Variants in SPTB observed in about 807,000 individuals in gnomAD.
SPTB encodes the protein spectrin beta chain, erythrocytic.
SPTB carries 45 observed loss-of-function variants against 256.2 expected under a neutral mutation model. That is an observed-to-expected ratio of 0.18 (90% CI 0.14 to 0.23). The LOEUF is 0.23. Ranked by LOEUF, SPTB falls within the 10% of genes least tolerant of loss-of-function variation. SPTB has a pLI of 1.00. For synonymous variants in SPTB, 1,231 were observed against 1,243.1 expected, an observed-to-expected ratio of 0.99 and a Z score of 0.21; for missense variants, 2,715 against 3,040.4, an observed-to-expected ratio of 0.89 and a Z score of 2.52.
At chr14:64,805,206 G>C in intron 2 of SPTB, 116 bp from the exon 3 acceptor site, 1 of 1,168,802 alleles carries the variant, frequency 8.6e-7, no homozygotes, top group Non-Finnish European at 1.2e-6. Context: ...AGAGGAAGTC[G>C]ATGTATTCAT....
intron 33 of SPTB, 108 bp downstream of exon 33, chr14:64,753,429 A>T: frequency 6.4e-7 from 1 of 1,561,962 alleles, no homozygotes; most frequent in Non-Finnish European, 8.7e-7. Context: ...GCCAAGGCAG[A>T]AGGCACCCCT....
At position 64,785,511 on chromosome 14, in the gene SPTB, G is replaced by A. The variant is rs748471731; in HGVS notation, c.3855+26C>T. On this transcript the variant is annotated intron_variant, in intron 18 of 35. Transcript: ENST00000644917. The surrounding 1 kb of genome is among the most constrained non-coding windows in gnomAD (Gnocchi z 4.4). ...CTTCTAGAAAGGAATCTCCAGGAAA[G>A]CAGCCACTCCTTGCTGGAGCCTCAC... 1 of 1,594,210 alleles carries A rather than the reference G, an allele frequency of 6.3e-7. No homozygotes were observed. Among genetic ancestry groups the A allele is most frequent in the Non-Finnish European group, 8.6e-7 (1 of 1,168,404 alleles).
At position 64,803,597 on chromosome 14, in the gene SPTB, A is replaced by C; in HGVS notation, c.474+10T>G. On this transcript the variant is annotated intron_variant, in intron 4 of 35. Coordinates refer to ENST00000644917, the MANE Select transcript of SPTB (RefSeq NM_001355436.2). ...GCTCCCTCGACTTCCTCTACCCCCC[A>C]GGAACCCACCTGGAAGCGGAGGATG... 6 of 1,614,046 alleles carry C rather than the reference A, an allele frequency of 3.7e-6. No homozygotes were observed. The highest frequency in any genetic ancestry group is 5.1e-6 in the Non-Finnish European group (6 of 1,180,020).
intron 32 of SPTB, 114 bp downstream of exon 32, chr14:64,766,612 A>C (rs1325016426): frequency 6.2e-7 from 1 of 1,608,282 alleles, no homozygotes; most frequent in East Asian, 2.2e-5. Context: ...GGGAGGATGG[A>C]GGGCGGGGCT....
At chr14:64,859,195 A>G (rs1034898402) in intron 1 of SPTB, among the ~76,000 whole-genome samples, 1 of 152,174 alleles carries the variant, frequency 6.6e-6, no homozygotes, top group African/African-American at 2.4e-5. Context: ...CGGAGGTTGC[A>G]GTGAGCCAAG....
intron 32 of SPTB, among the ~76,000 whole-genome samples, chr14:64,765,830 G>A (rs554784160): frequency 5.5e-5 from 8 of 146,746 alleles, no homozygotes; most frequent in African/African-American, 2.1e-4. Flanking sequence ...GAGTGTGTGT[G>A]TGTGTGGGGG....
intron 1 of SPTB, among the ~76,000 whole-genome samples, chr14:64,850,392 G>A (rs924187036): frequency 2.0e-5 from 3 of 152,210 alleles, no homozygotes; most frequent in African/African-American, 7.2e-5. Context: ...CAGAACCACT[G>A]TAGTTGATTC....
chr14:64,783,676 G>A (rs995681677), intron 19 of SPTB, among the ~76,000 whole-genome samples: 1 of 152,172 alleles, frequency 6.6e-6, no homozygotes, highest in African/African-American at 2.4e-5. Flanking sequence ...TGATCCTAGG[G>A]CTGCTTTTTC....
At chr14:64,850,696 G>T (rs143005400) in intron 1 of SPTB, among the ~76,000 whole-genome samples, 2 of 152,298 alleles carry the variant, frequency 1.3e-5, no homozygotes, top group Non-Finnish European at 2.9e-5. Flanking sequence ...ACTTGTCATC[G>T]TGAAAATGGT....
intron 1 of SPTB, among the ~76,000 whole-genome samples, chr14:64,836,402 T>C (rs1243565524): frequency 6.6e-6 from 1 of 152,212 alleles, no homozygotes; most frequent in East Asian, 1.9e-4. Context: ...AAATAATGTA[T>C]AAACTGTATA....
rs1328447010 is a variant in SPTB, at chr14:64,823,684, G to A, written c.-51-539C>T. The stretch of plus-strand genomic sequence containing the variant: ...AGCCGCCACTGACGCCACCAGCCCG[G>A]GGCAGCTGCACTGGGGGGACTTCAC... On this transcript the variant is annotated intron_variant, in intron 1 of 35. Coordinates refer to ENST00000644917, the MANE Select transcript of SPTB (RefSeq NM_001355436.2). The surrounding 1 kb of genome is among the most constrained non-coding windows in gnomAD (Gnocchi z 6.5). Among the ~76,000 whole-genome samples the A allele has an allele frequency of 1.3e-5, 2 of 152,300 alleles. No homozygotes were observed. The highest frequency in any genetic ancestry group is 3.9e-4 in the East Asian group (2 of 5,182).
intron 25 of SPTB, 78 bp downstream of exon 25, chr14:64,773,142 C>T: frequency 6.3e-7 from 1 of 1,591,018 alleles, no homozygotes; most frequent in Non-Finnish European, 8.6e-7. Flanking sequence ...ATGCAGCACT[C>T]TGTGTGTCTT....
Position 64,775,367 on chromosome 14 carries a change from C to T in SPTB, c.4600G>A (p.Val1534Ile), listed in dbSNP as rs2082341430. 2 of 1,613,228 alleles carry T rather than the reference C, an allele frequency of 1.2e-6. No homozygotes were observed. The highest frequency in any genetic ancestry group is 1.7e-6 in the Non-Finnish European group (2 of 1,179,488). ...TGCCCTCTCTGCAGCACATCCTCAA[C>T]CCGCGGCGTATGGCCCAGAATCTCA... The part of the protein sequence containing the change: ...QNEILGHTPR[V>I]EDVLQRGQQL... Residue 1534 changes from valine to isoleucine, a missense_variant, in exon 23 of 36, where the codon GTT becomes ATT. By Grantham distance (29) the Val-to-Ile change is conservative. Transcript: ENST00000644917. This position sits in a 1 kb window ranked among gnomAD's most constrained non-coding sequence, Gnocchi z 5.0.
intron 2 of SPTB, among the ~76,000 whole-genome samples, chr14:64,814,573 T>C (rs1420896547): frequency 1.3e-5 from 2 of 152,224 alleles, no homozygotes; most frequent in Admixed American, 6.5e-5. Flanking sequence ...TGGAGTGCAG[T>C]TGTGTGATCT....
At chr14:64,751,021 T>C (rs1050636015) in intron 33 of SPTB, among the ~76,000 whole-genome samples, 26 of 145,726 alleles carry the variant, frequency 1.8e-4, no homozygotes, top group African/African-American at 6.5e-4. Flanking sequence ...ATACATTATG[T>C]TATATATTAT....
At chr14:64,763,866 G>A (rs372962441) in intron 32 of SPTB, 3 of 518,902 alleles carry the variant, frequency 5.8e-6, no homozygotes, top group East Asian at 5.4e-5. Flanking sequence ...AGAGGCTGAT[G>A]TGTGGGATGG....
At chr14:64,856,582 G>A (rs545806403) in intron 1 of SPTB, among the ~76,000 whole-genome samples, 2 of 152,332 alleles carry the variant, frequency 1.3e-5, no homozygotes, top group South Asian at 4.1e-4. Context: ...ATTTGAAAAG[G>A]AAGAGATGAT....
intron 18 of SPTB, 145 bp from the exon 19 acceptor site, chr14:64,784,538 C>A: frequency 8.9e-7 from 1 of 1,125,104 alleles, no homozygotes. Context: ...GTTCTGGATC[C>A]CTCTGTACCA....
In SPTB at chr14:64,777,207, T is replaced by C. The variant is rs2082374956; in HGVS notation, c.4564-1804A>G. 6.6e-6 allele frequency among the ~76,000 whole-genome samples: 1 copy of C among 151,976 alleles called. No homozygotes were observed. Among genetic ancestry groups the C allele is most frequent in the Admixed American group, 6.5e-5 (1 of 15,270 alleles). On this transcript the variant is annotated intron_variant, in intron 22 of 35. Coordinates refer to ENST00000644917, the MANE Select transcript of SPTB (RefSeq NM_001355436.2). The surrounding 1 kb of genome is among the most constrained non-coding windows in gnomAD (Gnocchi z 4.5). ...AAGAGGACTGAACAAGTGCAAAGGCTCTGGGGTGGACATGAGCTGGGACCG... is the reference window on the plus strand; with the variant it reads ...AAGAGGACTGAACAAGTGCAAAGGCCCTGGGGTGGACATGAGCTGGGACCG...
Sources: allele counts gnomAD v4.1 joint callset (sites outside exome capture counted in the v4.1 genomes callset), GRCh38; gene constraint gnomAD v4.1.1; non-coding constraint Gnocchi (gnomAD v3.1); transcripts MANE v1.5; gene names NCBI Gene and HGNC (gene_info 2026-07-23, HGNC 2026-07-21).